TDP1: variants seen among roughly 807,000 people sequenced by gnomAD.
The protein encoded by TDP1 is tyr-DNA phosphodiesterase 1.
Under a neutral mutation model 81.5 loss-of-function variants are expected in TDP1, and 64 were observed. The observed-to-expected ratio is 0.79, with a 90% confidence interval of 0.64 to 0.97. The LOEUF (loss-of-function observed/expected upper bound fraction) is 0.97, where lower values mean the gene tolerates loss of function less well. Ranked by LOEUF, TDP1 falls within the 50% of genes least tolerant of loss-of-function variation. The pLI, the probability that TDP1 is intolerant of heterozygous loss-of-function variation, is 0.00. For missense variants in TDP1, 723 were observed against 743.8 expected, an observed-to-expected ratio of 0.97 and a Z score of 0.33; for synonymous variants, 256 against 264.3, an observed-to-expected ratio of 0.97 and a Z score of 0.30.
chr14:89,976,459 C>T (rs1315514488), intron 7 of TDP1, among the ~76,000 whole-genome samples: 1 of 151,012 alleles, frequency 6.6e-6, no homozygotes, highest in Non-Finnish European at 1.5e-5. Flanking sequence ...TTATTATTTC[C>T]TTTGGTCCAT....
intron 7 of TDP1, 112 bp from the exon 8 acceptor site, chr14:89,980,428 A>G: frequency 7.1e-7 from 1 of 1,406,290 alleles, no homozygotes; most frequent in Non-Finnish European, 9.8e-7. Context: ...AAGTTTGGGT[A>G]ATATGAGAGT....
chr14:90,037,992 G>A (rs371407418), intron 16 of TDP1, among the ~76,000 whole-genome samples: 1 of 152,078 alleles, frequency 6.6e-6, no homozygotes, highest in African/African-American at 2.4e-5. Flanking sequence ...TCCACTCACC[G>A]TTTCTTTATA....
At chr14:90,013,053 C>T (rs1473242525) in intron 14 of TDP1, among the ~76,000 whole-genome samples, 5 of 152,174 alleles carry the variant, frequency 3.3e-5, no homozygotes, top group African/African-American at 1.2e-4. Context: ...CTGTGTTTAC[C>T]CAATGCCTGT....
At chr14:89,986,515 A>G (rs1895575274) in intron 10 of TDP1, among the ~76,000 whole-genome samples, 1 of 152,256 alleles carries the variant, frequency 6.6e-6, no homozygotes, top group African/African-American at 2.4e-5. Flanking sequence ...ATTATGTGTG[A>G]TCACCATCTG....
intron 16 of TDP1, among the ~76,000 whole-genome samples, chr14:90,038,026 T>C (rs1314534752): frequency 6.6e-6 from 1 of 152,204 alleles, no homozygotes; most frequent in Non-Finnish European, 1.5e-5. Context: ...TATGTACTTT[T>C]ACCAAGAATA....
intron 9 of TDP1, 45 bp downstream of exon 9, chr14:89,984,728 A>G: frequency 6.2e-7 from 1 of 1,608,754 alleles, no homozygotes; most frequent in Non-Finnish European, 8.5e-7. Flanking sequence ...ATAGGCTTAT[A>G]CCTTGGGAGC....
intron 3 of TDP1, chr14:89,965,834 C>T (rs1398841202): frequency 1.0e-6 from 1 of 984,714 alleles, no homozygotes; most frequent in Non-Finnish European, 1.2e-6. Flanking sequence ...GGTAGAAGTT[C>T]AGAGATCTGA....
intron 15 of TDP1, among the ~76,000 whole-genome samples, chr14:90,020,326 G>C (rs995866516): frequency 6.8e-6 from 1 of 148,080 alleles, no homozygotes; most frequent in Non-Finnish European, 1.5e-5. Flanking sequence ...CAATGAGATG[G>C]CTAATGCTTT....
chr14:89,962,311 G>A (rs1376751669), intron 2 of TDP1, among the ~76,000 whole-genome samples: 2 of 152,098 alleles, frequency 1.3e-5, no homozygotes, highest in Non-Finnish European at 2.9e-5. Context: ...ACTTTGTTAA[G>A]CTTTATGGTA....
intron 10 of TDP1, among the ~76,000 whole-genome samples, chr14:89,986,664 A>C (rs34231804): frequency 0.039 from 5,924 of 152,296 alleles, 379 homozygotes; most frequent in African/African-American, 0.13. Flanking sequence ...AATCTAAGCC[A>C]GAGGCTTGTC....
rs145417794 is a variant in TDP1, at chr14:89,984,554, G to C, written c.923G>C (p.Gly308Ala). The change falls in exon 9 of 17, where the codon GGA becomes GCA. Residue 308 changes from glycine to alanine, a missense_variant. Coordinates refer to ENST00000335725, the MANE Select transcript of TDP1 (RefSeq NM_018319.4). ...CCCTTATACCCACGAATTGCTGATG[G>C]AACCCACAAATCTGGAGAGTCGCCA... ...LSPLYPRIAD[G>A]THKSGESPTH... 11 of 1,613,914 alleles carry C rather than the reference G, an allele frequency of 6.8e-6. No individual in the cohort carries two copies. The African/African-American group carries it at 1.3e-4, about 20-fold the overall frequency.
intron 14 of TDP1, among the ~76,000 whole-genome samples, chr14:90,002,973 A>AT (rs145863816): frequency 0.039 from 5,920 of 152,000 alleles, 377 homozygotes; most frequent in African/African-American, 0.13. Flanking sequence ...GAGTCTCGCC[A>AT]TTCACCCAGG....
rs376633758 is a variant in TDP1 at position 89,981,893 on chromosome 14, C to CCAAGGCTGGTCTCGAACTTCTGGGCT, written c.884+1265_884+1266insGCTGGTCTCGAACTTCTGGGCTCAAG. ...GTAGAGACAAGGTTTTGCCTAGTTG[C>CCAAGGCTGGTCTCGAACTTCTGGGCT]CAAGTGATCCGCCTGCCTCAGCCTC... On this transcript the variant is annotated intron_variant, in intron 8 of 16. Coordinates refer to ENST00000335725, the MANE Select transcript of TDP1 (RefSeq NM_018319.4). 5.9e-3 allele frequency among the ~76,000 whole-genome samples: 902 copies of CCAAGGCTGGTCTCGAACTTCTGGGCT among 152,172 alleles called. 6 individuals carry two copies. Among genetic ancestry groups the CCAAGGCTGGTCTCGAACTTCTGGGCT allele is most frequent in the African/African-American group, 0.021 (865 of 41,508 alleles).
At chr14:90,036,899 T>C (rs1262354095) in intron 16 of TDP1, among the ~76,000 whole-genome samples, 1 of 136,890 alleles carries the variant, frequency 7.3e-6, no homozygotes, top group African/African-American at 2.8e-5. Flanking sequence ...AGCCTCAAAC[T>C]CCTGGGCTCA....
intron 15 of TDP1, among the ~76,000 whole-genome samples, chr14:90,024,898 A>G (rs771695325): frequency 2.0e-5 from 3 of 152,164 alleles, no homozygotes; most frequent in Non-Finnish European, 2.9e-5. Flanking sequence ...ATGTTTGCCA[A>G]ATAGACTTAC....
intron 14 of TDP1, among the ~76,000 whole-genome samples, chr14:89,994,842 T>C (rs1186586035): frequency 6.6e-6 from 1 of 152,132 alleles, no homozygotes; most frequent in African/African-American, 2.4e-5. Flanking sequence ...TAGAAGGAAC[T>C]AGTGAGGACA....
chr14:90,022,778 T>G lies in TDP1; in HGVS notation c.1644+3360T>G, dbSNP rs191062476. The G allele has an allele frequency of 5.1e-6, 5 of 985,274 alleles. No homozygotes were observed. The Admixed American group carries it at 3.1e-4, about 60-fold the overall frequency. 61.0% of individuals were successfully genotyped at this position (985,274 alleles called of 1,614,324 possible). A position where few individuals can be genotyped will look rare whatever the true frequency, so the allele number is the denominator to read the frequency against. ...GACCTTTGCTTGGCCTTCACAAAAT[T>G]AACATTGATGGTTTTGACCTTGAGG... On this transcript the variant is annotated intron_variant, in intron 15 of 16. Coordinates refer to ENST00000335725, the MANE Select transcript of TDP1 (RefSeq NM_018319.4).
At chr14:90,036,581 C>T (rs35001706) in intron 16 of TDP1, among the ~76,000 whole-genome samples, 210 of 152,242 alleles carry the variant, frequency 1.4e-3, no homozygotes, top group Middle Eastern at 6.8e-3. Context: ...TAAGACTCAG[C>T]TACCAGTATA....
intron 15 of TDP1, among the ~76,000 whole-genome samples, chr14:90,020,285 TAC>T (rs149315499): frequency 0.075 from 11,245 of 150,680 alleles, 806 homozygotes; most frequent in African/African-American, 0.19. Flanking sequence ...TCACTGTGGG[TAC>T]ACACACACAG....
Sources: gnomAD v4.1 joint callset for allele counts (sites outside exome capture counted in the v4.1 genomes callset) on GRCh38, gnomAD v4.1.1 for gene constraint, MANE v1.5 for transcripts, NCBI Gene and HGNC (gene_info 2026-07-23, HGNC 2026-07-21) for gene names.